The following FAM220A variants were observed in gnomAD, a reference collection of about 807,000 sequenced individuals.
FAM220A encodes the protein protein FAM220A.
For synonymous variants in FAM220A, 141 were observed against 130.7 expected (o/e 1.08, Z -0.54); for missense variants, 392 against 321.6 (o/e 1.22, Z -1.68).
Position 6,348,940 on chromosome 7 carries a change from C to T in FAM220A, c.-449G>A, listed in dbSNP as rs2115156561. The T allele has an allele frequency of 2.6e-6, 1 of 381,926 alleles. No individual in the cohort carries two copies. Among genetic ancestry groups the T allele is most frequent in the East Asian group, 3.8e-5 (1 of 26,340 alleles). 23.7% of individuals were successfully genotyped at this position (381,926 alleles called of 1,614,324 possible). On this transcript the variant is annotated 5_prime_UTR_variant, in exon 1 of 2. Coordinates refer to ENST00000313324, the MANE Select transcript of FAM220A (RefSeq NM_001037163.2). ...TCGGAGAAGTGCCTCCGCGAGCAGC[C>T]GCCTGTACCAGCCTGGCCGCGCAGC...
chr7:6,336,740 A>C (rs777720923), intron 1 of FAM220A, among the ~76,000 whole-genome samples: 13 of 148,834 alleles, frequency 8.7e-5, no homozygotes, highest in Non-Finnish European at 1.8e-4. Context: ...TGCAGCCTCG[A>C]CTTCCTCAAG....
intron 1 of FAM220A, among the ~76,000 whole-genome samples, chr7:6,333,255 G>C (rs1781675363): frequency 6.6e-6 from 1 of 152,012 alleles, no homozygotes; most frequent in Admixed American, 6.6e-5. Context: ...AAAGCAGGGA[G>C]AGTTTAGAGA....
chr7:6,337,124 T>G (rs1229111737), intron 1 of FAM220A, among the ~76,000 whole-genome samples: 1 of 151,092 alleles, frequency 6.6e-6, no homozygotes, highest in East Asian at 1.9e-4. Flanking sequence ...CAGGCTGGAG[T>G]GCAGTGGCGC....
chr7:6,344,148 G>GAAA (rs559497571), intron 1 of FAM220A, among the ~76,000 whole-genome samples: 1 of 120,172 alleles, frequency 8.3e-6, no homozygotes. Context: ...TGAAGAACAA[G>GAAA]AAAAAAAAAA....
chr7:6,330,296 T>A lies in FAM220A; in HGVS notation c.*79A>T, dbSNP rs982330206. On this transcript the variant is annotated 3_prime_UTR_variant, in exon 2 of 2. Transcript: ENST00000313324. Reference sequence around the variant, plus strand: ...GCAGGAACCTAAGGGCTGCACAGTTTGCATCCAGACTTAATGCGAAAGAAA... The same window carrying A: ...GCAGGAACCTAAGGGCTGCACAGTTAGCATCCAGACTTAATGCGAAAGAAA... The A allele has an allele frequency of 1.3e-5, 17 of 1,359,594 alleles. No individual in the cohort carries two copies. In the African/African-American group the frequency reaches 2.5e-4, roughly 20 times the overall value. 84.2% of individuals were successfully genotyped at this position (1,359,594 alleles called of 1,614,324 possible).
At chr7:6,333,558 G>A (rs868682235) in intron 1 of FAM220A, among the ~76,000 whole-genome samples, 22 of 152,080 alleles carry the variant, frequency 1.4e-4, no homozygotes, top group Admixed American at 3.3e-4. Context: ...GAGGACAATG[G>A]CGTGATCACA....
At chr7:6,340,473 C>T (rs759541851) in intron 1 of FAM220A, among the ~76,000 whole-genome samples, 11 of 152,080 alleles carry the variant, frequency 7.2e-5, no homozygotes, top group East Asian at 1.9e-4. Flanking sequence ...TACCTGGAGT[C>T]GGCTGAAGCA....
chr7:6,348,178 T>C (rs981462583), intron 1 of FAM220A, among the ~76,000 whole-genome samples: 2 of 148,310 alleles, frequency 1.3e-5, no homozygotes, highest in African/African-American at 4.9e-5. Context: ...CCAAAGTGCA[T>C]TACAGGAGTA....
At chr7:6,332,144 T>C (rs1176886625) in intron 1 of FAM220A, among the ~76,000 whole-genome samples, 1 of 151,638 alleles carries the variant, frequency 6.6e-6, no homozygotes, top group Non-Finnish European at 1.5e-5. Flanking sequence ...CGAAAAGGCT[T>C]TGAAATGAAC....
chr7:6,347,897 T>C, intron 1 of FAM220A, among the ~76,000 whole-genome samples: 1 of 145,288 alleles, frequency 6.9e-6, no homozygotes, highest in Non-Finnish European at 1.5e-5. Context: ...TTATTATTAT[T>C]ATTATTATTA....
At chr7:6,340,707 G>A (rs1781835094) in intron 1 of FAM220A, among the ~76,000 whole-genome samples, 1 of 151,922 alleles carries the variant, frequency 6.6e-6, no homozygotes, top group Non-Finnish European at 1.5e-5. Context: ...AGACCATCCT[G>A]GCTAACACGG....
intron 1 of FAM220A, among the ~76,000 whole-genome samples, chr7:6,334,561 G>A (rs1237682834): frequency 6.6e-6 from 1 of 151,816 alleles, no homozygotes; most frequent in Non-Finnish European, 1.5e-5. Context: ...TCTGCCTCCT[G>A]GGTTCAACAA....
Position 6,348,897 on chromosome 7 carries a change from G to C in FAM220A, c.-406C>G. ...GCGGGCGGGCGGGCCGCAGTGGAGC[G>C]GAGTCCGCACGTCACGCTCGGAGAA... is the stretch of plus-strand genomic sequence containing the variant. On this transcript the variant is annotated 5_prime_UTR_variant, in exon 1 of 2. Coordinates refer to ENST00000313324, the MANE Select transcript of FAM220A (RefSeq NM_001037163.2). 7.7e-6 allele frequency: 3 copies of C among 387,592 alleles called. No homozygotes were observed. Among genetic ancestry groups the C allele is most frequent in the East Asian group, 7.4e-5 (2 of 26,998 alleles). 24.0% of individuals were successfully genotyped at this position (387,592 alleles called of 1,614,324 possible).
rs200690478 is a variant in FAM220A, at chr7:6,330,449, C to G, written c.706G>C (p.Asp236His). Residue 236 changes from aspartate (D) to histidine (H), a missense_variant, in exon 2 of 2, where the codon GAT becomes CAT. Coordinates refer to ENST00000313324, the MANE Select transcript of FAM220A (RefSeq NM_001037163.2). ...AACCCCAGTGTTATCTGCAGACCAT[C>G]TGAGGTGCTTTTAAGCATTTTCTTG... ...EFKKMLKSTS[D>H]GLQITLGLLA... The G allele has an allele frequency of 4.3e-6, 7 of 1,614,172 alleles. No individual in the cohort carries two copies. The African/African-American group carries it at 8.0e-5, about 18-fold the overall frequency.
intron 1 of FAM220A, among the ~76,000 whole-genome samples, chr7:6,340,284 T>C (rs1054671235): frequency 1.3e-5 from 2 of 152,152 alleles, no homozygotes; most frequent in Non-Finnish European, 2.9e-5. Context: ...CCAGCTGCTG[T>C]CGATCAGAAT....
At position 6,330,067 on chromosome 7, in the gene FAM220A, T is replaced by G; in HGVS notation, c.*308A>C. 3.0e-6 allele frequency: 1 copy of G among 330,346 alleles called. No individual in the cohort carries two copies. The highest frequency in any genetic ancestry group is 5.8e-6 in the Non-Finnish European group (1 of 171,788). 20.5% of individuals were successfully genotyped at this position (330,346 alleles called of 1,614,324 possible). On this transcript the variant is annotated 3_prime_UTR_variant, in exon 2 of 2. Coordinates refer to ENST00000313324, the MANE Select transcript of FAM220A (RefSeq NM_001037163.2). ...TGGGACAGTAGCCCTTTAGAATGGA[T>G]GTTGAAGACAGAACTTCATGGTAAA...
In FAM220A at chr7:6,330,093, TC is replaced by T. The variant is rs572421275; in HGVS notation, c.*281del. The T allele has an allele frequency of 4.2e-4, 159 of 381,396 alleles. 3 individuals carry two copies. Among genetic ancestry groups the T allele is most frequent in the South Asian group, 1.4e-3 (39 of 27,978 alleles). The allele number at this position is 381,396 out of a possible 1,614,324, so 23.6% of individuals were successfully genotyped here. On this transcript the variant is annotated 3_prime_UTR_variant, in exon 2 of 2. Transcript: ENST00000313324. ...GTTGAAGACAGAACTTCATGGTAAA[TC>T]CGTATGTTCTAATCTGGTATTTATA... is the stretch of plus-strand genomic sequence containing the variant.
chr7:6,334,741 C>T (rs902491486), intron 1 of FAM220A, among the ~76,000 whole-genome samples: 1 of 152,008 alleles, frequency 6.6e-6, no homozygotes, highest in African/African-American at 2.4e-5. Flanking sequence ...GCTAGGATTA[C>T]AGGCGTGAGC....
At chr7:6,334,973 G>C (rs1193252260) in intron 1 of FAM220A, among the ~76,000 whole-genome samples, 2 of 148,580 alleles carry the variant, frequency 1.3e-5, no homozygotes, top group Non-Finnish European at 3.0e-5. Flanking sequence ...CTTCATGTTG[G>C]TCAGGCTGGT....
Sources: gnomAD v4.1 joint callset for allele counts (sites outside exome capture counted in the v4.1 genomes callset) on GRCh38, gnomAD v4.1.1 for gene constraint, MANE v1.5 for transcripts, NCBI Gene and HGNC (gene_info 2026-07-23, HGNC 2026-07-21) for gene names.